LEMD3: variants seen among roughly 807,000 people sequenced by gnomAD.
LEMD3 encodes the protein inner nuclear membrane protein Man1.
In LEMD3, 33 loss-of-function variants were observed where a neutral mutation model predicts 95.2. That is an observed-to-expected ratio of 0.35 (90% confidence interval 0.26 to 0.46). The LOEUF (loss-of-function observed/expected upper bound fraction) is 0.46. Ranked by LOEUF, LEMD3 falls within the 20% of genes least tolerant of loss-of-function variation. The probability of loss-of-function intolerance (pLI) is 1.00; values close to 1 mark genes in which losing one functional copy is unlikely to be tolerated. For missense variants in LEMD3, 1,210 were observed against 1,192.8 expected (o/e 1.01, Z -0.21); for synonymous variants, 525 against 474.6 (o/e 1.11, Z -1.38).
Position 65,170,171 on chromosome 12 carries a change from AGCCCCACTC to A in LEMD3, c.577_585del (p.Pro193_Ser195del). ...AACAGCAACTCTGCAGAGCGAAGGAAGCCCCACTCGTGGTGGGGGGCCAGGAGGCCGGCG... is the reference window on the plus strand; with the variant it reads ...AACAGCAACTCTGCAGAGCGAAGGAAGTGGTGGGGGGCCAGGAGGCCGGCG... On this transcript the variant is annotated inframe_deletion, in exon 1 of 13. Transcript: ENST00000308330. The A allele has an allele frequency of 6.7e-7, 1 of 1,493,010 alleles. No individual in the cohort carries two copies. Among genetic ancestry groups the A allele is most frequent in the South Asian group, 1.4e-5 (1 of 72,512 alleles). The allele number at this position is 1,493,010 out of a possible 1,614,324, so 92.5% of individuals were successfully genotyped here. A position where few individuals can be genotyped will look rare whatever the true frequency, so the allele number is the denominator to read the frequency against.
chr12:65,242,829 C>T (rs1286006452), intron 9 of LEMD3, among the ~76,000 whole-genome samples: 1 of 152,172 alleles, frequency 6.6e-6, no homozygotes, highest in African/African-American at 2.4e-5. Context: ...CAGATCTCAT[C>T]CTATTCTACT....
At chr12:65,237,169 G>A (rs918437250) in intron 4 of LEMD3, among the ~76,000 whole-genome samples, 12 of 151,884 alleles carry the variant, frequency 7.9e-5, no homozygotes, top group African/African-American at 2.2e-4. Context: ...ATATGTTAAC[G>A]TAATGTATTT....
intron 6 of LEMD3, among the ~76,000 whole-genome samples, chr12:65,239,550 AAAC>A (rs750506564): frequency 3.9e-5 from 6 of 152,194 alleles, no homozygotes; most frequent in African/African-American, 1.2e-4. Context: ...CCTATCTCAA[AAAC>A]AACAACAACA....
intron 9 of LEMD3, 39 bp from the exon 10 acceptor site, chr12:65,243,349 G>C: frequency 8.2e-7 from 1 of 1,213,672 alleles, no homozygotes; most frequent in Non-Finnish European, 1.2e-6. Context: ...CAACAAACTA[G>C]AACAATGTCA....
At chr12:65,204,343 C>G (rs1011110077) in intron 1 of LEMD3, among the ~76,000 whole-genome samples, 9 of 152,228 alleles carry the variant, frequency 5.9e-5, no homozygotes, top group Middle Eastern at 3.4e-3. Context: ...ACCCAACCCT[C>G]TGACAGGTCC....
chr12:65,214,508 A>T (rs965645601), intron 2 of LEMD3, among the ~76,000 whole-genome samples: 1 of 152,128 alleles, frequency 6.6e-6, no homozygotes, highest in Admixed American at 6.5e-5. Context: ...GGATCTTGGC[A>T]CTTTTGATGA....
intron 10 of LEMD3, 150 bp from the exon 11 acceptor site, chr12:65,245,519 G>A (rs898123897): frequency 1.4e-5 from 9 of 655,122 alleles, no homozygotes; most frequent in Non-Finnish European, 1.9e-5. Context: ...CCTCCTGTTA[G>A]TCAACAAGCA....
intron 4 of LEMD3, among the ~76,000 whole-genome samples, chr12:65,221,844 G>A (rs113146787): frequency 1.8e-3 from 279 of 150,940 alleles, no homozygotes; most frequent in African/African-American, 6.6e-3. Flanking sequence ...GGGCTCAAGC[G>A]ATTCACATGT....
At chr12:65,171,714 G>A in intron 1 of LEMD3, 1 of 161,312 alleles carries the variant, frequency 6.2e-6, no homozygotes, top group Non-Finnish European at 1.4e-5. Context: ...TGTACAAAAA[G>A]TAGTGGTAGG....
chr12:65,170,473 C>A lies in LEMD3; in HGVS notation c.877C>A (p.Pro293Thr). ...TCGGCCCAGACGAACCCATAGTAAGCCTCTCCCCCCGCTGACTGCTAAATC... is the reference window on the plus strand; with the variant it reads ...TCGGCCCAGACGAACCCATAGTAAGACTCTCCCCCCGCTGACTGCTAAATC... ...RHRPRRTHSK[P>T]LPPLTAKSAG... Residue 293 changes from proline to threonine, a missense_variant, in exon 1 of 13, where the codon CCT becomes ACT. Transcript: ENST00000308330. 6.2e-7 allele frequency: 1 copy of A among 1,613,192 alleles called. No individual in the cohort carries two copies. The highest frequency in any genetic ancestry group is 8.5e-7 in the Non-Finnish European group (1 of 1,179,780).
intron 1 of LEMD3, among the ~76,000 whole-genome samples, chr12:65,198,313 GATGCTTTGT>G (rs1034805454): frequency 6.6e-6 from 1 of 152,124 alleles, no homozygotes; most frequent in African/African-American, 2.4e-5. Context: ...CTATTGCACA[GATGCTTTGT>G]ATTATTTATA....
At chr12:65,196,982 G>A (rs1045039569) in intron 1 of LEMD3, among the ~76,000 whole-genome samples, 8 of 152,190 alleles carry the variant, frequency 5.3e-5, no homozygotes, top group South Asian at 2.1e-4. Flanking sequence ...GGTTGAGAGA[G>A]TTCTGCTCTG....
At position 65,175,262 on chromosome 12, in the gene LEMD3, A is replaced by AT. The variant is rs537565166; in HGVS notation, c.1522+4148dup. Among the ~76,000 whole-genome samples the AT allele has an allele frequency of 4.1e-3, 617 of 152,320 alleles. 5 individuals are homozygous for AT. The highest frequency in any genetic ancestry group is 6.1e-3 in the Non-Finnish European group (417 of 68,020). Reference sequence around the variant, plus strand: ...TCATGGGTAACTTTTCCATATACTAATTTTAAGTACAGAGGTATAATTTTA... The same window carrying AT: ...TCATGGGTAACTTTTCCATATACTAATTTTTAAGTACAGAGGTATAATTTTA... On this transcript the variant is annotated intron_variant, in intron 1 of 12. Transcript: ENST00000308330.
At chr12:65,181,266 G>A (rs1565780172) in intron 1 of LEMD3, among the ~76,000 whole-genome samples, 1 of 152,064 alleles carries the variant, frequency 6.6e-6, no homozygotes, top group East Asian at 1.9e-4. Flanking sequence ...TTTCTTGTTT[G>A]ATTTAGTTCA....
intron 4 of LEMD3, among the ~76,000 whole-genome samples, chr12:65,228,621 C>T (rs1870531070): frequency 6.6e-6 from 1 of 152,110 alleles, no homozygotes; most frequent in Non-Finnish European, 1.5e-5. Context: ...TGGTCTCGAT[C>T]TCCTGACCTC....
intron 4 of LEMD3, among the ~76,000 whole-genome samples, chr12:65,220,934 A>G (rs945606695): frequency 5.9e-5 from 9 of 152,106 alleles, no homozygotes; most frequent in African/African-American, 2.2e-4. Flanking sequence ...ATTTATGTCT[A>G]TTATTATGCT....
rs1290849471 is a variant in LEMD3, at chr12:65,240,957, T to C, written c.2175T>C (p.Ala725=). Residue 725 remains alanine, a synonymous_variant, in exon 9 of 13, where the codon GCT becomes GCC. Transcript: ENST00000308330. ...ATAGAGCTGTTGACTTCCTTGCTGC[T>C]AATGAGTCTAGAGTTCGCACGGAAA... ...VWDRAVDFLA[A]NESRVRTETR... 1 of 1,614,118 alleles carries C rather than the reference T, an allele frequency of 6.2e-7. No homozygotes were observed. The highest frequency in any genetic ancestry group is 2.2e-5 in the East Asian group (1 of 44,870).
chr12:65,240,174 A>G lies in LEMD3; in HGVS notation c.2062A>G (p.Lys688Glu), dbSNP rs761711143. The G allele has an allele frequency of 1.2e-6, 2 of 1,613,916 alleles. No homozygotes were observed. The highest frequency in any genetic ancestry group is 8.5e-7 in the Non-Finnish European group (1 of 1,179,846). ...RSHNEACQEN[K>E]DLQPYMPIPH... Reference sequence around the variant, plus strand: ...TCATAATGAAGCCTGCCAGGAAAACAAAGATTTACAACCTTACATGCCTAT... The same window carrying G: ...TCATAATGAAGCCTGCCAGGAAAACGAAGATTTACAACCTTACATGCCTAT... The change falls in exon 8 of 13, where the codon AAA (lysine) becomes GAA (glutamate). Residue 688 changes from lysine to glutamate, a missense_variant. Lys to Glu is a moderately conservative substitution (Grantham distance 56). Around this residue, in one of 2 missense-constraint regions of LEMD3, gnomAD observed 461 missense variants for 569.8 expected, o/e 0.81. Coordinates refer to ENST00000308330, the MANE Select transcript of LEMD3 (RefSeq NM_014319.5).
intron 1 of LEMD3, among the ~76,000 whole-genome samples, chr12:65,194,185 T>C (rs1869336319): frequency 6.6e-6 from 1 of 152,178 alleles, no homozygotes; most frequent in African/African-American, 2.4e-5. Context: ...CTGAAGATGC[T>C]CAAGTTCCAC....
Sources: gnomAD v4.1 joint callset for allele counts (sites outside exome capture counted in the v4.1 genomes callset) on GRCh38, gnomAD v4.1.1 for gene constraint, gnomAD v4.1.1 regional missense constraint, MANE v1.5 for transcripts, NCBI Gene and HGNC (gene_info 2026-07-23, HGNC 2026-07-21) for gene names.